The following RASGRF2 variants were observed in gnomAD, a reference collection of about 807,000 sequenced individuals.
The protein encoded by RASGRF2 is ras-specific guanine nucleotide-releasing factor 2.
RASGRF2 carries 76 observed loss-of-function variants against 151.0 expected under a neutral mutation model. The ratio of observed to expected loss-of-function variants is 0.50; its 90% CI spans 0.42 to 0.61. RASGRF2 has a LOEUF of 0.61. RASGRF2 is among the 20% of genes least tolerant of loss of function. The probability of loss-of-function intolerance (pLI) is 0.00; values close to 1 mark genes in which losing one functional copy is unlikely to be tolerated. For missense variants in RASGRF2, 1,148 were observed against 1,564.6 expected (o/e 0.73, Z 4.49); for synonymous variants, 504 against 566.5 (o/e 0.89, Z 1.57).
At chr5:81,036,210 A>G (rs1226761704) in intron 1 of RASGRF2, among the ~76,000 whole-genome samples, 1 of 152,074 alleles carries the variant, frequency 6.6e-6, no homozygotes, top group Admixed American at 6.5e-5. Flanking sequence ...TAATATGCTT[A>G]TAGAGGTATT....
intron 26 of RASGRF2, 110 bp from the exon 27 acceptor site, chr5:81,225,568 A>G: frequency 6.9e-7 from 1 of 1,451,724 alleles, no homozygotes; most frequent in Non-Finnish European, 9.0e-7. Context: ...TGGTCAAATA[A>G]GATTTTTAGT....
chr5:81,041,707 A>G (rs577201880), intron 1 of RASGRF2, among the ~76,000 whole-genome samples: 1 of 152,280 alleles, frequency 6.6e-6, no homozygotes, highest in East Asian at 1.9e-4. Context: ...ACAAATTTTT[A>G]TCTTCGTATT....
chr5:81,225,592 A>G (rs796145287), intron 26 of RASGRF2, 86 bp from the exon 27 acceptor site: 2 of 1,519,144 alleles, frequency 1.3e-6, no homozygotes, highest in African/African-American at 1.4e-5. Flanking sequence ...TTAAGAGAAA[A>G]TGTTGAATTG....
chr5:81,067,996 A>G (rs764332349), intron 2 of RASGRF2, 36 bp from the exon 3 acceptor site: 39 of 1,549,358 alleles, frequency 2.5e-5, no homozygotes, highest in Non-Finnish European at 3.3e-5. Flanking sequence ...TAGTAGAACA[A>G]TATCTCAATG....
chr5:81,012,272 A>G (rs1749488191), intron 1 of RASGRF2, among the ~76,000 whole-genome samples: 1 of 152,160 alleles, frequency 6.6e-6, no homozygotes, highest in Non-Finnish European at 1.5e-5. Context: ...AGAGCTCTCC[A>G]TGATAAAGTG....
intron 12 of RASGRF2, among the ~76,000 whole-genome samples, chr5:81,098,887 G>A (rs1254211270): frequency 1.3e-5 from 2 of 152,176 alleles, no homozygotes; most frequent in Non-Finnish European, 2.9e-5. Context: ...AATAAGATAA[G>A]CTTACTGAAT....
chr5:81,001,356 G>A (rs1034580960), intron 1 of RASGRF2, among the ~76,000 whole-genome samples: 3 of 152,158 alleles, frequency 2.0e-5, no homozygotes, highest in African/African-American at 7.2e-5. Flanking sequence ...CTGAGTTTGA[G>A]TTCACAACAG....
At chr5:81,066,872 A>T (rs16878390) in intron 2 of RASGRF2, among the ~76,000 whole-genome samples, 5 of 152,230 alleles carry the variant, frequency 3.3e-5, no homozygotes, top group African/African-American at 1.2e-4. Flanking sequence ...CTTTTGTGGT[A>T]TAAACATGGC....
At chr5:81,217,573 TC>T (rs373661913) in intron 25 of RASGRF2, 100 bp downstream of exon 25, 66 of 483,024 alleles carry the variant, frequency 1.4e-4, no homozygotes, top group East Asian at 1.6e-4. Context: ...TTTTTTCTCT[TC>T]TTTTTTTTTT....
chr5:81,200,459 A>C (rs1014157140), intron 18 of RASGRF2, among the ~76,000 whole-genome samples: 62 of 152,284 alleles, frequency 4.1e-4, no homozygotes, highest in Non-Finnish European at 1.0e-4. Flanking sequence ...GTGCCTCTTC[A>C]ATCTCACTTC....
At chr5:81,065,995 C>T (rs1400781777) in intron 2 of RASGRF2, among the ~76,000 whole-genome samples, 1 of 152,084 alleles carries the variant, frequency 6.6e-6, no homozygotes, top group Non-Finnish European at 1.5e-5. Context: ...ACTGGACCTG[C>T]CTTTCTCTTT....
chr5:81,066,355 G>C (rs1050443286), intron 2 of RASGRF2, among the ~76,000 whole-genome samples: 1 of 152,146 alleles, frequency 6.6e-6, no homozygotes. Context: ...CAGGTGCTGA[G>C]GATGTTGAGA....
intron 23 of RASGRF2, among the ~76,000 whole-genome samples, chr5:81,215,122 C>G (rs370437890): frequency 6.6e-6 from 1 of 152,092 alleles, no homozygotes; most frequent in African/African-American, 2.4e-5. Flanking sequence ...GCAGATCACT[C>G]GAGGTCAGGA....
At chr5:81,155,035 T>C (rs1319879968) in intron 17 of RASGRF2, among the ~76,000 whole-genome samples, 7 of 152,244 alleles carry the variant, frequency 4.6e-5, no homozygotes, top group Non-Finnish European at 7.3e-5. Flanking sequence ...TGATGATTAG[T>C]GATATTGAGC....
At chr5:81,066,910 A>C (rs1445386684) in intron 2 of RASGRF2, among the ~76,000 whole-genome samples, 3 of 152,176 alleles carry the variant, frequency 2.0e-5, no homozygotes, top group African/African-American at 7.2e-5. Flanking sequence ...CCCAAAGAGG[A>C]GGTAAGTGTG....
intron 15 of RASGRF2, among the ~76,000 whole-genome samples, chr5:81,116,191 T>C (rs1350229867): frequency 6.8e-6 from 1 of 146,146 alleles, no homozygotes; most frequent in African/African-American, 2.5e-5. Flanking sequence ...CGAGCTATTC[T>C]CCTGCCTCAG....
intron 12 of RASGRF2, among the ~76,000 whole-genome samples, chr5:81,097,843 G>A (rs1453000323): frequency 6.6e-6 from 1 of 152,202 alleles, no homozygotes; most frequent in Non-Finnish European, 1.5e-5. Flanking sequence ...GCCTTTCTAA[G>A]CCAATGAAAG....
chr5:81,010,842 G>A (rs1749435123), intron 1 of RASGRF2, among the ~76,000 whole-genome samples: 1 of 152,180 alleles, frequency 6.6e-6, no homozygotes, highest in African/African-American at 2.4e-5. Flanking sequence ...ATGTCCACCA[G>A]ATGTGCTTCA....
chr5:81,057,589 G>A (rs978982957), intron 2 of RASGRF2, among the ~76,000 whole-genome samples: 2 of 151,974 alleles, frequency 1.3e-5, no homozygotes, highest in African/African-American at 4.8e-5. Flanking sequence ...ATATTTACGA[G>A]GTACAAGGTG....
Sources: gnomAD v4.1 joint callset for allele counts (sites outside exome capture counted in the v4.1 genomes callset) on GRCh38, gnomAD v4.1.1 for gene constraint, MANE v1.5 for transcripts, NCBI Gene and HGNC (gene_info 2026-07-23, HGNC 2026-07-21) for gene names.